CEP350: variants seen among roughly 807,000 people sequenced by gnomAD.
CEP350 encodes the protein centrosomal protein 350, also known as centrosome-associated protein 350.
In CEP350, 126 loss-of-function variants were observed where a neutral mutation model predicts 331.8. That is an observed-to-expected ratio of 0.38 (90% CI 0.33 to 0.44). The LOEUF (loss-of-function observed/expected upper bound fraction) is 0.44, where lower values mean the gene tolerates loss of function less well. CEP350 is among the 20% of genes least tolerant of loss of function. CEP350 has a pLI of 1.00. For missense variants in CEP350, 3,406 were observed against 3,634.6 expected (o/e 0.94, Z 1.62); for synonymous variants, 1,200 against 1,259.5 (o/e 0.95, Z 1.00).
chr1:180,016,622 T>G (rs1192455749), intron 11 of CEP350, among the ~76,000 whole-genome samples: 1 of 151,316 alleles, frequency 6.6e-6, no homozygotes, highest in East Asian at 1.9e-4. Flanking sequence ...TGAGAACACG[T>G]AAATAGAAAT....
intron 23 of CEP350, 105 bp from the exon 24 acceptor site, chr1:180,053,645 C>T (rs1011496018): frequency 6.6e-6 from 4 of 604,444 alleles, no homozygotes; most frequent in African/African-American, 5.5e-5. Flanking sequence ...TGTTGGTGGC[C>T]TTGTTAAATA....
chr1:179,954,827 G>T lies in CEP350; in HGVS notation c.-329G>T. ...TCCGTGTCAGTTGTTGGGCTGTAAT[G>T]GCGACTGGGCCGCCCCTGACGAAGT... On this transcript the variant is annotated 5_prime_UTR_variant, in exon 1 of 38. The change abolishes an upstream ATG in the 5' untranslated region. Transcript: ENST00000367607. The T allele has an allele frequency of 2.4e-6, 1 of 425,286 alleles. No homozygotes were observed. Among genetic ancestry groups the T allele is most frequent in the Admixed American group, 4.4e-5 (1 of 22,794 alleles). 26.3% of individuals were successfully genotyped at this position (425,286 alleles called of 1,614,324 possible).
rs536690982 is a variant in CEP350 at position 180,059,546 on chromosome 1, A to G, written c.5263-2674A>G. Among the ~76,000 whole-genome samples, 8 of 151,674 alleles carry G rather than the reference A, an allele frequency of 5.3e-5. No individual in the cohort carries two copies. The South Asian group carries it at 1.5e-3, about 28-fold the overall frequency. On this transcript the variant is annotated intron_variant, in intron 25 of 37. Coordinates refer to ENST00000367607, the MANE Select transcript of CEP350 (RefSeq NM_014810.5). ...TCTGTGTGACAGAAACGGGAAATCCATAATCAGACATCTTTGCTCGATACC... is the reference window on the plus strand; with the variant it reads ...TCTGTGTGACAGAAACGGGAAATCCGTAATCAGACATCTTTGCTCGATACC...
chr1:179,972,549 G>C (rs1475147271), intron 1 of CEP350, among the ~76,000 whole-genome samples: 1 of 152,118 alleles, frequency 6.6e-6, no homozygotes, highest in Non-Finnish European at 1.5e-5. Context: ...CTGTCACCCA[G>C]GCTGGAGTGC....
intron 28 of CEP350, among the ~76,000 whole-genome samples, 167 bp from the exon 29 acceptor site, chr1:180,078,296 G>A (rs1195244235): frequency 6.6e-6 from 1 of 152,182 alleles, no homozygotes; most frequent in East Asian, 1.9e-4. Flanking sequence ...CTGTGAAATA[G>A]ATAACCCAGA....
chr1:179,988,807 G>C lies in CEP350; in HGVS notation c.120+1521G>C, dbSNP rs190113113. 6.6e-5 allele frequency among the ~76,000 whole-genome samples: 10 copies of C among 151,578 alleles called. No homozygotes were observed. In the East Asian group the frequency reaches 1.9e-3, roughly 29 times the overall value. On this transcript the variant is annotated intron_variant, in intron 3 of 37. Transcript: ENST00000367607. ...GATATTTTCTGTCCTCTAATCTTTA[G>C]AACTAGTTTGAAAATAAATCTGGAA... is the stretch of plus-strand genomic sequence containing the variant.
Position 180,094,288 on chromosome 1 carries a change from A to C in CEP350, c.8183A>C (p.Asn2728Thr), listed in dbSNP as rs2149135833. Residue 2728 changes from asparagine (N) to threonine (T), a missense_variant, in exon 34 of 38, where the codon AAC becomes ACC. Transcript: ENST00000367607. ...CTGGATCTTTTAACAAGAGAAAAAA[A>C]CCAACTGGAAGCCCAGCTGAAGTCA... ...PLLDLLTREK[N>T]QLEAQLKSSL... 6.2e-7 allele frequency: 1 copy of C among 1,613,822 alleles called. No individual in the cohort carries two copies. Among genetic ancestry groups the C allele is most frequent in the South Asian group, 1.1e-5 (1 of 91,044 alleles).
In CEP350 at chr1:179,996,667, T is replaced by C. The variant is rs369666631; in HGVS notation, c.510T>C (p.Ser170=). 1 of 1,613,624 alleles carries C rather than the reference T, an allele frequency of 6.2e-7. No homozygotes were observed. Among genetic ancestry groups the C allele is most frequent in the East Asian group, 2.2e-5 (1 of 44,880 alleles). The change falls in exon 6 of 38, where the codon AGT becomes AGC. Residue 170 remains serine, a synonymous_variant. Coordinates refer to ENST00000367607, the MANE Select transcript of CEP350 (RefSeq NM_014810.5). ...KTESGNWMIG[S]REERNIRSCD... Reference sequence around the variant, plus strand: ...AGAGCGGTAACTGGATGATAGGCAGTCGAGAAGAACGGAATATACGGAGCT... The same window carrying C: ...AGAGCGGTAACTGGATGATAGGCAGCCGAGAAGAACGGAATATACGGAGCT...
chr1:180,109,243 C>A (rs1232537606), intron 37 of CEP350, among the ~76,000 whole-genome samples: 1 of 151,506 alleles, frequency 6.6e-6, no homozygotes, highest in Non-Finnish European at 1.5e-5. Flanking sequence ...CTCAGCCTCT[C>A]TGAGTAGCTG....
In CEP350 at chr1:180,020,704, C is replaced by T. The variant is rs1217887181; in HGVS notation, c.2930C>T (p.Ser977Phe). Residue 977 changes from serine to phenylalanine, a missense_variant, in exon 12 of 38, where the codon TCC becomes TTC. By Grantham distance (155) the Ser-to-Phe change is radical (BLOSUM62 -2). Around this residue, in one of 5 missense-constraint regions of CEP350, gnomAD observed 1,857 missense variants for 1,909.2 expected, o/e 0.97. Transcript: ENST00000367607. ...SQDKAKISLG[S>F]SIDSVSEGPL... ...GACAAAGCCAAAATATCTCTTGGTT[C>T]CAGCATAGATTCAGTCAGTGAAGGG... 1 of 1,613,872 alleles carries T rather than the reference C, an allele frequency of 6.2e-7. No individual in the cohort carries two copies. Among genetic ancestry groups the T allele is most frequent in the Non-Finnish European group, 8.5e-7 (1 of 1,179,894 alleles).
Position 180,096,163 on chromosome 1 carries a change from A to C in CEP350, c.9045A>C (p.Pro3015=). The C allele has an allele frequency of 6.4e-7, 1 of 1,568,104 alleles. No homozygotes were observed. Residue 3015 remains proline, a synonymous_variant, in exon 36 of 38, where the codon CCA becomes CCC. Coordinates refer to ENST00000367607, the MANE Select transcript of CEP350 (RefSeq NM_014810.5). ...NSSYFRRVKN[P]NNLDEIKSFI... ...GTTATTTCCGACGAGTGAAAAATCCAAATAACCTTGATGAAATCAAGGTAA... is the reference window on the plus strand; with the variant it reads ...GTTATTTCCGACGAGTGAAAAATCCCAATAACCTTGATGAAATCAAGGTAA...
chr1:180,065,789 C>T (rs1321720311), intron 27 of CEP350, among the ~76,000 whole-genome samples: 1 of 151,768 alleles, frequency 6.6e-6, no homozygotes, highest in Non-Finnish European at 1.5e-5. Context: ...CACATGTACC[C>T]ATAACAAAGT....
chr1:180,006,262 A>G (rs759798148), intron 7 of CEP350, among the ~76,000 whole-genome samples, 192 bp from the exon 8 acceptor site: 6 of 152,140 alleles, frequency 3.9e-5, no homozygotes, highest in Non-Finnish European at 8.8e-5. Context: ...TAATCTTCAT[A>G]TATTTTCCAA....
chr1:180,049,363 A>G (rs1340819864), intron 22 of CEP350, among the ~76,000 whole-genome samples: 3 of 152,232 alleles, frequency 2.0e-5, no homozygotes, highest in Non-Finnish European at 4.4e-5. Flanking sequence ...CAGTGAATAA[A>G]TAATTGTCAA....
chr1:179,962,963 C>A (rs921289793), intron 1 of CEP350, among the ~76,000 whole-genome samples: 1 of 152,160 alleles, frequency 6.6e-6, no homozygotes, highest in African/African-American at 2.4e-5. Context: ...TTCTCTGCAT[C>A]CTTGTCATCT....
chr1:179,998,332 A>T, intron 6 of CEP350, among the ~76,000 whole-genome samples: 1 of 142,486 alleles, frequency 7.0e-6, no homozygotes, highest in Non-Finnish European at 1.5e-5. Flanking sequence ...TTTTTAAGAC[A>T]GAGTCTCACT....
At position 179,987,237 on chromosome 1, in the gene CEP350, C is replaced by A; in HGVS notation, c.74-3C>A. On this transcript the variant is annotated splice_polypyrimidine_tract_variant and splice_region_variant and intron_variant, in intron 2 of 37. Coordinates refer to ENST00000367607, the MANE Select transcript of CEP350 (RefSeq NM_014810.5). ...ATAAAGTAAATATCATTTTTTTTCCCAGCAGATATAACCACATCGTGGGAT... is the reference window on the plus strand; with the variant it reads ...ATAAAGTAAATATCATTTTTTTTCCAAGCAGATATAACCACATCGTGGGAT... The A allele has an allele frequency of 6.6e-7, 1 of 1,507,294 alleles. No individual in the cohort carries two copies. Among genetic ancestry groups the A allele is most frequent in the Non-Finnish European group, 9.1e-7 (1 of 1,096,842 alleles). The allele number at this position is 1,507,294 out of a possible 1,614,324, so 93.4% of individuals were successfully genotyped here. A position where few individuals can be genotyped will look rare whatever the true frequency, so the allele number is the denominator to read the frequency against.
intron 1 of CEP350, among the ~76,000 whole-genome samples, chr1:179,962,701 C>T (rs1441727290): frequency 6.6e-6 from 1 of 152,226 alleles, no homozygotes; most frequent in Non-Finnish European, 1.5e-5. Context: ...AGCCACTGCT[C>T]CCGGCCTATC....
intron 12 of CEP350, 127 bp downstream of exon 12, chr1:180,021,136 G>A (rs558972689): frequency 1.1e-4 from 74 of 664,178 alleles, no homozygotes; most frequent in Middle Eastern, 9.1e-4. Context: ...ATTACTGTCC[G>A]TATTAGTCAT....
Sources: allele counts gnomAD v4.1 joint callset (sites outside exome capture counted in the v4.1 genomes callset), GRCh38; gene constraint gnomAD v4.1.1; regional missense constraint gnomAD v4.1.1; transcripts MANE v1.5; gene names NCBI Gene and HGNC (gene_info 2026-07-23, HGNC 2026-07-21).